Variants in SSRP1 observed in about 807,000 individuals in gnomAD.
SSRP1 encodes structure specific recognition protein 1.
In SSRP1, 21 loss-of-function variants were observed where a neutral mutation model predicts 84.4. The observed-to-expected ratio is 0.25, with a 90% CI of 0.18 to 0.36. SSRP1 has a LOEUF of 0.36. Ranked by LOEUF, SSRP1 falls within the 10% of genes least tolerant of loss-of-function variation. The probability of loss-of-function intolerance (pLI) is 1.00; values close to 1 mark genes in which losing one functional copy is unlikely to be tolerated. For synonymous variants in SSRP1, 319 were observed against 318.3 expected, an observed-to-expected ratio of 1.00 and a Z score of -0.02; for missense variants, 519 against 900.8, an observed-to-expected ratio of 0.58 and a Z score of 5.43.
chr11:57,328,494 G>A (rs1856028864), intron 12 of SSRP1, 68 bp from the exon 13 acceptor site: 3 of 1,590,134 alleles, frequency 1.9e-6, no homozygotes, highest in Admixed American at 3.6e-5. Flanking sequence ...CAGGACAGGA[G>A]GAAGACAAAT....
chr11:57,332,948 G>A lies in SSRP1; in HGVS notation c.537+11C>T. On this transcript the variant is annotated intron_variant, in intron 5 of 16. Coordinates refer to ENST00000278412, the MANE Select transcript of SSRP1 (RefSeq NM_003146.3). The surrounding 1 kb of genome is among the most constrained non-coding windows in gnomAD (Gnocchi z 5.5). Reference sequence around the variant, plus strand: ...ACCATCTGCTGCCAAGGCAACCAGGGGAAGCCTCACCTCAACAGGGTCCAC... The same window carrying A: ...ACCATCTGCTGCCAAGGCAACCAGGAGAAGCCTCACCTCAACAGGGTCCAC... The A allele has an allele frequency of 6.2e-7, 1 of 1,603,618 alleles. No homozygotes were observed. The highest frequency in any genetic ancestry group is 8.5e-7 in the Non-Finnish European group (1 of 1,172,700).
chr11:57,334,354 G>C (rs1047248387), intron 3 of SSRP1, 109 bp downstream of exon 3: 2 of 1,337,374 alleles, frequency 1.5e-6, no homozygotes, highest in African/African-American at 2.9e-5. Flanking sequence ...GCTCTAAGGA[G>C]CCCAAACTAG....
rs996961018 is a variant in SSRP1, at chr11:57,326,053, A to G, written c.*354T>C. On this transcript the variant is annotated 3_prime_UTR_variant, in exon 17 of 17. Transcript: ENST00000278412. ...CCAGAAATACAAAATGAAAGTAGAA[A>G]TAGGCCCCAGGTAGGAGCTACAGGC... 3.6e-6 allele frequency: 1 copy of G among 275,904 alleles called. No homozygotes were observed. The highest frequency in any genetic ancestry group is 9.6e-5 in the South Asian group (1 of 10,462). The allele number at this position is 275,904 out of a possible 1,614,324, so 17.1% of individuals were successfully genotyped here. A position where few individuals can be genotyped will look rare whatever the true frequency, so the allele number is the denominator to read the frequency against.
rs1367990569 is a variant in SSRP1 at position 57,333,612 on chromosome 11, G to C, written c.241-72C>G. 6 of 1,126,208 alleles carry C rather than the reference G, an allele frequency of 5.3e-6. No individual in the cohort carries two copies. In the Admixed American group the frequency reaches 1.1e-4, roughly 20 times the overall value. The allele number at this position is 1,126,208 out of a possible 1,614,324, so 69.8% of individuals were successfully genotyped here. ...CTTAACACCGACTTGAATGTCCTGG[G>C]ATTATCTATTTCTGAGAAACTGCCC... On this transcript the variant is annotated intron_variant, in intron 3 of 16. Transcript: ENST00000278412.
rs1387009168 is a variant in SSRP1 at position 57,334,519 on chromosome 11, G to A, written c.184C>T (p.Leu62Phe). The A allele has an allele frequency of 1.2e-6, 2 of 1,614,124 alleles. No individual in the cohort carries two copies. The highest frequency in any genetic ancestry group is 1.7e-6 in the Non-Finnish European group (2 of 1,180,058). The change falls in exon 3 of 17, where the codon CTT becomes TTT. Residue 62 changes from leucine (L) to phenylalanine (F), a missense_variant. Physicochemically the swap from Leu to Phe is conservative, Grantham distance 22. This residue lies in a region of SSRP1 where 88 missense variants were observed against 122.0 expected (regional missense o/e 0.72). Coordinates refer to ENST00000278412, the MANE Select transcript of SSRP1 (RefSeq NM_003146.3). ...IWRRVALGHGLKLLTKNGHVY... is the reference protein window; with the variant it reads ...IWRRVALGHGFKLLTKNGHVY... ...TGGCCATTCTTTGTAAGCAGTTTAAGTCCATGGCCCAGAGCAACACGGCGC... is the reference window on the plus strand; with the variant it reads ...TGGCCATTCTTTGTAAGCAGTTTAAATCCATGGCCCAGAGCAACACGGCGC...
At position 57,332,310 on chromosome 11, in the gene SSRP1, A is replaced by G; in HGVS notation, c.873-30T>C. 1 of 1,613,870 alleles carries G rather than the reference A, an allele frequency of 6.2e-7. No individual in the cohort carries two copies. Among genetic ancestry groups the G allele is most frequent in the Non-Finnish European group, 8.5e-7 (1 of 1,179,904 alleles). On this transcript the variant is annotated intron_variant, in intron 7 of 16. Transcript: ENST00000278412. The surrounding 1 kb of genome is among the most constrained non-coding windows in gnomAD (Gnocchi z 5.5). ...AAAGAAAGCAAGGTGAGGTCACAACACTACTGCCTTCTAATGGCACACCTG... is the reference window on the plus strand; with the variant it reads ...AAAGAAAGCAAGGTGAGGTCACAACGCTACTGCCTTCTAATGGCACACCTG...
rs1717163060 is a variant in SSRP1, at chr11:57,330,685, G to A, written c.1296+170C>T. On this transcript the variant is annotated intron_variant, in intron 10 of 16. Coordinates refer to ENST00000278412, the MANE Select transcript of SSRP1 (RefSeq NM_003146.3). This position sits in a 1 kb window ranked among gnomAD's most constrained non-coding sequence, Gnocchi z 4.0. ...GAGGGGCTGCATAGACTGGTCTAAGGTCATGCAGAGGAAACCTGCACCAGG... is the reference window on the plus strand; with the variant it reads ...GAGGGGCTGCATAGACTGGTCTAAGATCATGCAGAGGAAACCTGCACCAGG... 6.8e-7 allele frequency: 1 copy of A among 1,476,346 alleles called. No individual in the cohort carries two copies. The highest frequency in any genetic ancestry group is 1.4e-5 in the South Asian group (1 of 71,700). The allele number at this position is 1,476,346 out of a possible 1,614,324, so 91.5% of individuals were successfully genotyped here.
At chr11:57,329,873 GCCATAGAT>G (rs1324061447) in intron 12 of SSRP1, 2 of 622,012 alleles carry the variant, frequency 3.2e-6, no homozygotes, top group Non-Finnish European at 5.6e-6. Flanking sequence ...GGGCGGTATG[GCCATAGAT>G]CCCACTATAC....
Position 57,326,046 on chromosome 11 carries a change from A to G in SSRP1, c.*361T>C. 1 of 256,760 alleles carries G rather than the reference A, an allele frequency of 3.9e-6. No individual in the cohort carries two copies. Among genetic ancestry groups the G allele is most frequent in the East Asian group, 7.7e-5 (1 of 12,970 alleles). 15.9% of individuals were successfully genotyped at this position (256,760 alleles called of 1,614,324 possible). A position where few individuals can be genotyped will look rare whatever the true frequency, so the allele number is the denominator to read the frequency against. On this transcript the variant is annotated 3_prime_UTR_variant, in exon 17 of 17. Transcript: ENST00000278412. ...TCACAGACCAGAAATACAAAATGAAAGTAGAAATAGGCCCCAGGTAGGAGC... is the reference window on the plus strand; with the variant it reads ...TCACAGACCAGAAATACAAAATGAAGGTAGAAATAGGCCCCAGGTAGGAGC...
At chr11:57,328,010 T>A in intron 13 of SSRP1, 128 bp from the exon 14 acceptor site, 1 of 1,176,210 alleles carries the variant, frequency 8.5e-7, no homozygotes, top group Non-Finnish European at 1.2e-6. Flanking sequence ...AGACGAGAGC[T>A]CCCTAAGGGC....
In SSRP1 at chr11:57,333,494, T is replaced by C. The variant is rs1217301314; in HGVS notation, c.287A>G (p.Glu96Gly). 19 of 1,613,810 alleles carry C rather than the reference T, an allele frequency of 1.2e-5. No individual in the cohort carries two copies. Among genetic ancestry groups the C allele is most frequent in the Non-Finnish European group, 1.5e-5 (18 of 1,180,034 alleles). Residue 96 changes from glutamate to glycine, a missense_variant, in exon 4 of 17, where the codon GAG becomes GGG. This residue lies in a region of SSRP1 where 88 missense variants were observed against 122.0 expected (regional missense o/e 0.72). Transcript: ENST00000278412. ...SDFFKTHYRL[E>G]LMEKDLCVKG... ...CACACAAAGGTCCTTCTCCATTAGCTCAAGGCGATAGTGAGTTTTGAAGAA... is the reference window on the plus strand; with the variant it reads ...CACACAAAGGTCCTTCTCCATTAGCCCAAGGCGATAGTGAGTTTTGAAGAA...
Position 57,332,149 on chromosome 11 carries a change from C to T in SSRP1, c.1001+3G>A. 6.2e-7 allele frequency: 1 copy of T among 1,613,626 alleles called. No homozygotes were observed. Among genetic ancestry groups the T allele is most frequent in the Non-Finnish European group, 8.5e-7 (1 of 1,179,952 alleles). ...GGGCAGGATCCCAGGCCCACACTCTCACCCTTGGAAGTTGCCTGGCACTGT... is the reference window on the plus strand; with the variant it reads ...GGGCAGGATCCCAGGCCCACACTCTTACCCTTGGAAGTTGCCTGGCACTGT... On this transcript the variant is annotated splice_donor_region_variant and intron_variant, in intron 8 of 16. Coordinates refer to ENST00000278412, the MANE Select transcript of SSRP1 (RefSeq NM_003146.3). The surrounding 1 kb of genome is among the most constrained non-coding windows in gnomAD (Gnocchi z 5.5).
intron 14 of SSRP1, 37 bp downstream of exon 14, chr11:57,327,669 GCCAGCC>G: frequency 6.2e-7 from 1 of 1,608,524 alleles, no homozygotes; most frequent in Non-Finnish European, 8.5e-7. Context: ...AGCACCTCTC[GCCAGCC>G]CATGAGAGGC....
Position 57,328,588 on chromosome 11 carries a change from T to C in SSRP1, c.1482-162A>G. The C allele has an allele frequency of 3.0e-6, 3 of 1,010,730 alleles. No individual in the cohort carries two copies. The South Asian group carries it at 5.2e-5, about 18-fold the overall frequency. The allele number at this position is 1,010,730 out of a possible 1,614,324, so 62.6% of individuals were successfully genotyped here. ...CAATCCCCAACACTGCTTTCTCCCA[T>C]TCACTGTGGTGGCTTCAGCCATGCC... On this transcript the variant is annotated intron_variant, in intron 12 of 16. Coordinates refer to ENST00000278412, the MANE Select transcript of SSRP1 (RefSeq NM_003146.3).
chr11:57,332,574 T>G lies in SSRP1; in HGVS notation c.768+51A>C. On this transcript the variant is annotated intron_variant, in intron 6 of 16. Coordinates refer to ENST00000278412, the MANE Select transcript of SSRP1 (RefSeq NM_003146.3). The surrounding 1 kb of genome is among the most constrained non-coding windows in gnomAD (Gnocchi z 5.5). ...TGCACACCAGTGAGATCCATCTACT[T>G]AACACTTAGGCAAAAACCAGGATTA... is the stretch of plus-strand genomic sequence containing the variant. The G allele has an allele frequency of 1.2e-6, 2 of 1,604,872 alleles. No individual in the cohort carries two copies. The highest frequency in any genetic ancestry group is 1.7e-6 in the Non-Finnish European group (2 of 1,172,748).
chr11:57,333,043 G>A lies in SSRP1; in HGVS notation c.453C>T (p.His151=), dbSNP rs200890773. 326 of 1,614,164 alleles carry A rather than the reference G, an allele frequency of 2.0e-4. 2 individuals are homozygous for A. The East Asian group carries it at 5.5e-3, about 27-fold the overall frequency. The change falls in exon 5 of 17, where the codon CAC becomes CAT. Residue 151 remains histidine (H), a synonymous_variant. Coordinates refer to ENST00000278412, the MANE Select transcript of SSRP1 (RefSeq NM_003146.3). Reference sequence around the variant, plus strand: ...GAGACACCTCTGCGTCATCGTTTTGGTGGAATTCCAGTGTCACCTCATTCT... The same window carrying A: ...GAGACACCTCTGCGTCATCGTTTTGATGGAATTCCAGTGTCACCTCATTCT... ...TGKNEVTLEF[H]QNDDAEVSLM...
rs768129391 is a variant in SSRP1 at position 57,330,460 on chromosome 11, A to G, written c.1297-31T>C. 6 of 1,610,716 alleles carry G rather than the reference A, an allele frequency of 3.7e-6. No individual in the cohort carries two copies. Among genetic ancestry groups the G allele is most frequent in the East Asian group, 2.2e-5 (1 of 44,836 alleles). The stretch of plus-strand genomic sequence containing the variant: ...CAGGGAAGAGTTCACGGTGGGGCCA[A>G]CTCACCCTCGAGCCAGAATCCCTGC... On this transcript the variant is annotated intron_variant, in intron 10 of 16. Transcript: ENST00000278412. The surrounding 1 kb of genome is among the most constrained non-coding windows in gnomAD (Gnocchi z 4.0).
intron 9 of SSRP1, 86 bp from the exon 10 acceptor site, chr11:57,331,013 G>T (rs951293359): frequency 4.8e-6 from 7 of 1,466,868 alleles, no homozygotes; most frequent in Non-Finnish European, 4.8e-6. Context: ...ATGAGCTGGG[G>T]TAGACTGTGG....
Position 57,330,730 on chromosome 11 carries a change from C to T in SSRP1, c.1296+125G>A. The T allele has an allele frequency of 1.3e-6, 2 of 1,532,378 alleles. No individual in the cohort carries two copies. Among genetic ancestry groups the T allele is most frequent in the South Asian group, 1.2e-5 (1 of 80,158 alleles). 94.9% of individuals were successfully genotyped at this position (1,532,378 alleles called of 1,614,324 possible). ...ACCAGGAGGGGGAAAGGGTCACACG[C>T]ACCTCTTTTTTCTATAAGGGTAAGA... On this transcript the variant is annotated intron_variant, in intron 10 of 16. Transcript: ENST00000278412. The surrounding 1 kb of genome is among the most constrained non-coding windows in gnomAD (Gnocchi z 4.0).
Sources: gnomAD v4.1 joint callset for allele counts on GRCh38, gnomAD v4.1.1 for gene constraint, gnomAD v4.1.1 regional missense constraint, Gnocchi (gnomAD v3.1) non-coding constraint, MANE v1.5 for transcripts, NCBI Gene and HGNC (gene_info 2026-07-23, HGNC 2026-07-21) for gene names.